Variants in PPP1R42 observed in about 807,000 individuals in gnomAD.
The protein encoded by PPP1R42 is leucine rich repeat containing 67.
A neutral mutation model predicts 31.0 loss-of-function variants in PPP1R42; 34 were observed. That is an observed-to-expected ratio of 1.10 (90% CI 0.83 to 1.46). PPP1R42 has a LOEUF of 1.46. PPP1R42 is among the 40% of genes most tolerant of loss of function. The pLI is 0.00. For missense variants in PPP1R42, 268 were observed against 303.0 expected, an observed-to-expected ratio of 0.88 and a Z score of 0.86; for synonymous variants, 103 against 109.8, an observed-to-expected ratio of 0.94 and a Z score of 0.39.
chr8:66,968,149 A>G (rs1445580815), intron 7 of PPP1R42, among the ~76,000 whole-genome samples: 1 of 152,232 alleles, frequency 6.6e-6, no homozygotes, highest in Non-Finnish European at 1.5e-5. Flanking sequence ...GGTTTGACCT[A>G]ATCTTTAATT....
At chr8:66,974,669 CATTTGTATGTCTTCTTTGGAGAA>C (rs1256147371) in intron 7 of PPP1R42, among the ~76,000 whole-genome samples, 2 of 152,124 alleles carry the variant, frequency 1.3e-5, no homozygotes, top group African/African-American at 2.4e-5. Flanking sequence ...ACCTGTTGGC[CATTTGTATGTCTTCTTTGGAGAA>C]ATTTGTATGT....
At chr8:66,985,790 C>T in intron 6 of PPP1R42, 1 of 1,223,162 alleles carries the variant, frequency 8.2e-7, no homozygotes, top group East Asian at 2.3e-5. Flanking sequence ...TTTGCTGCGT[C>T]CATCATCTGT....
At chr8:67,019,951 C>G (rs1219052836) in intron 1 of PPP1R42, among the ~76,000 whole-genome samples, 1 of 151,948 alleles carries the variant, frequency 6.6e-6, no homozygotes, top group Non-Finnish European at 1.5e-5. Context: ...TTATCTTAAG[C>G]TACTCAAGCT....
intron 6 of PPP1R42, chr8:66,985,523 G>A: frequency 8.1e-7 from 1 of 1,234,796 alleles, no homozygotes; most frequent in South Asian, 1.2e-5. Flanking sequence ...CCCATGTCAT[G>A]GAGATTAGAC....
At chr8:66,981,659 G>A (rs755074531) in intron 7 of PPP1R42, among the ~76,000 whole-genome samples, 1 of 152,168 alleles carries the variant, frequency 6.6e-6, no homozygotes, top group Non-Finnish European at 1.5e-5. Context: ...GGGATTACAG[G>A]TGTGAGCCAC....
intron 5 of PPP1R42, among the ~76,000 whole-genome samples, chr8:67,009,980 A>G (rs1215343525): frequency 2.0e-5 from 3 of 152,202 alleles, no homozygotes; most frequent in Non-Finnish European, 2.9e-5. Flanking sequence ...TCCGTTGCCA[A>G]ACCAGAAACT....
intron 7 of PPP1R42, among the ~76,000 whole-genome samples, chr8:66,965,195 T>C (rs1271988457): frequency 6.6e-6 from 1 of 151,646 alleles, no homozygotes; most frequent in Non-Finnish European, 1.5e-5. Context: ...ATGAAAACCT[T>C]TGGAACTGCA....
intron 1 of PPP1R42, among the ~76,000 whole-genome samples, chr8:67,025,771 G>A (rs959350730): frequency 6.6e-6 from 1 of 151,890 alleles, no homozygotes; most frequent in Admixed American, 6.6e-5. Flanking sequence ...TTGGGAGGCC[G>A]AGGTGGGCAG....
chr8:66,996,763 G>T (rs968540379), intron 5 of PPP1R42, among the ~76,000 whole-genome samples: 10 of 152,072 alleles, frequency 6.6e-5, no homozygotes, highest in African/African-American at 2.4e-4. Flanking sequence ...GTAAATTTTT[G>T]TGCATGGGGT....
At chr8:66,985,370 CA>C (rs1814977939) in intron 6 of PPP1R42, 2 of 755,136 alleles carry the variant, frequency 2.6e-6, no homozygotes, top group South Asian at 3.1e-5. Flanking sequence ...GAAGAGGGAA[CA>C]GCACGAATAT....
chr8:67,000,170 C>A (rs1815441663), intron 5 of PPP1R42, among the ~76,000 whole-genome samples: 1 of 151,618 alleles, frequency 6.6e-6, no homozygotes, highest in Admixed American at 6.6e-5. Context: ...ATTTAATTTA[C>A]ATGTATTTTT....
chr8:66,981,096 C>T (rs2130922979), intron 7 of PPP1R42, among the ~76,000 whole-genome samples: 1 of 152,234 alleles, frequency 6.6e-6, no homozygotes, highest in African/African-American at 2.4e-5. Flanking sequence ...CCTGTCTCAG[C>T]CTCCCACAGT....
intron 6 of PPP1R42, chr8:66,985,958 C>G: frequency 1.3e-6 from 1 of 758,356 alleles, no homozygotes; most frequent in Non-Finnish European, 2.4e-6. Context: ...CCTTCTTTAG[C>G]TTTCGTTTTC....
chr8:67,021,498 T>C (rs1234514599), intron 1 of PPP1R42, among the ~76,000 whole-genome samples: 1 of 152,182 alleles, frequency 6.6e-6, no homozygotes, highest in East Asian at 1.9e-4. Flanking sequence ...ATTTCAAATA[T>C]GATACTATAT....
intron 2 of PPP1R42, among the ~76,000 whole-genome samples, chr8:67,016,900 A>C (rs1816032744): frequency 6.6e-6 from 1 of 152,102 alleles, no homozygotes; most frequent in African/African-American, 2.4e-5. Flanking sequence ...AACGGTACTC[A>C]CATACTTACT....
Position 66,964,758 on chromosome 8 carries a change from A to G in PPP1R42, c.803-424T>C, listed in dbSNP as rs140075787. Among the ~76,000 whole-genome samples, 284 of 152,264 alleles carry G rather than the reference A, an allele frequency of 1.9e-3. 4 individuals carry two copies. The highest frequency in any genetic ancestry group is 6.6e-3 in the African/African-American group (273 of 41,556). On this transcript the variant is annotated intron_variant, in intron 7 of 7. Coordinates refer to ENST00000685739, the MANE Select transcript of PPP1R42 (RefSeq NM_001364910.1). ...TTAATTGGTACTTTTTTCACATTTC[A>G]ACTATTTCTCTCATTGTTTAAATTG...
intron 1 of PPP1R42, among the ~76,000 whole-genome samples, chr8:67,018,487 G>A (rs1382113504): frequency 6.6e-6 from 1 of 151,052 alleles, no homozygotes; most frequent in East Asian, 2.0e-4. Context: ...CTATTCACAG[G>A]CATGTAGGCA....
intron 6 of PPP1R42, chr8:66,984,653 T>C: frequency 7.1e-7 from 1 of 1,403,382 alleles, no homozygotes; most frequent in Non-Finnish European, 1.0e-6. Flanking sequence ...TTGACCTTTC[T>C]GTGTTTTGCT....
intron 1 of PPP1R42, among the ~76,000 whole-genome samples, chr8:67,018,966 A>G (rs1296140151): frequency 2.7e-5 from 4 of 149,706 alleles, no homozygotes; most frequent in Admixed American, 6.7e-5. Context: ...AGTAGCTGGG[A>G]CTATAGGCAC....
Sources: gnomAD v4.1 joint callset for allele counts (sites outside exome capture counted in the v4.1 genomes callset) on GRCh38, gnomAD v4.1.1 for gene constraint, MANE v1.5 for transcripts, NCBI Gene and HGNC (gene_info 2026-07-23, HGNC 2026-07-21) for gene names.